Variants in RBPJ observed in about 807,000 individuals in gnomAD.
RBPJ encodes the protein recombining binding protein suppressor of hairless.
A neutral mutation model predicts 67.8 loss-of-function variants in RBPJ; 9 were observed. The observed-to-expected ratio is 0.13, with a 90% CI of 0.08 to 0.23. The LOEUF (loss-of-function observed/expected upper bound fraction) is 0.23, where lower values mean the gene tolerates loss of function less well. RBPJ is among the 10% of genes least tolerant of loss of function. The probability of loss-of-function intolerance (pLI) is 1.00; values close to 1 mark genes in which losing one functional copy is unlikely to be tolerated. For missense variants in RBPJ, 305 were observed against 595.6 expected (o/e 0.51, Z 5.08); for synonymous variants, 198 against 203.3 (o/e 0.97, Z 0.22).
At chr4:26,308,286 AAG>A (rs1200705835) in intron 1 of RBPJ, among the ~76,000 whole-genome samples, 5 of 152,216 alleles carry the variant, frequency 3.3e-5, no homozygotes, top group Non-Finnish European at 5.9e-5. Flanking sequence ...AAAAAAAAAA[AAG>A]AGTTTCTCTA....
intron 2 of RBPJ, among the ~76,000 whole-genome samples, chr4:26,404,594 A>G (rs906637025): frequency 2.0e-5 from 3 of 152,176 alleles, no homozygotes; most frequent in African/African-American, 7.2e-5. Flanking sequence ...GGGCATGACA[A>G]TCAAAATGGT....
chr4:26,244,304 C>T (rs1719803995), intron 1 of RBPJ, among the ~76,000 whole-genome samples: 1 of 145,408 alleles, frequency 6.9e-6, no homozygotes, highest in Admixed American at 6.7e-5. Context: ...CATATGTGTA[C>T]ACATATGTGT....
upstream of RBPJ, among the ~76,000 whole-genome samples, chr4:26,163,139 A>G (rs1447437058): frequency 1.5e-5 from 2 of 137,724 alleles, no homozygotes; most frequent in African/African-American, 7.2e-5. Flanking sequence ...CAGAAATAAC[A>G]TCTGAGGTCA....
intron 1 of RBPJ, among the ~76,000 whole-genome samples, chr4:26,369,278 T>A (rs1728924444): frequency 6.6e-6 from 1 of 152,236 alleles, no homozygotes; most frequent in South Asian, 2.1e-4. Context: ...ATCACTGAAC[T>A]CTTGTGAGGT....
At chr4:26,425,002 A>T (rs1301212613) in intron 7 of RBPJ, 15 of 441,352 alleles carry the variant, frequency 3.4e-5, no homozygotes, top group Middle Eastern at 5.7e-4. Context: ...TTTTGGTGGC[A>T]ATTTCCTTTT....
the RBPJ span, among the ~76,000 whole-genome samples, chr4:26,122,844 T>A: frequency 2.0e-5 from 3 of 152,062 alleles, no homozygotes; most frequent in Non-Finnish European, 1.5e-5. Context: ...CCATAAATAA[T>A]ACAAAAAGGA....
intron 1 of RBPJ, among the ~76,000 whole-genome samples, chr4:26,273,069 C>CA (rs1720966876): frequency 6.6e-6 from 1 of 152,156 alleles, no homozygotes; most frequent in Non-Finnish European, 1.5e-5. Flanking sequence ...TTTCAACCAA[C>CA]AAAATTGACT....
At chr4:26,368,711 G>A (rs902436945) in intron 1 of RBPJ, among the ~76,000 whole-genome samples, 4 of 152,146 alleles carry the variant, frequency 2.6e-5, no homozygotes, top group Admixed American at 2.6e-4. Flanking sequence ...TAGAAGTGTT[G>A]GTGGCAGCAG....
At position 26,244,349 on chromosome 4, in the gene RBPJ, GTATATA is replaced by G. The variant is rs80301363; in HGVS notation, c.-167+80739_-167+80744del. On this transcript the variant is annotated intron_variant, in intron 1 of 4. Transcript: ENST00000512351. ...TACACATATGTGTACACATATGTGTGTATATATATGTATGCACATATGTGTACACGT... is the reference window on the plus strand; with the variant it reads ...TACACATATGTGTACACATATGTGTGTATGTATGCACATATGTGTACACGT... Among the ~76,000 whole-genome samples the G allele has an allele frequency of 6.8e-3, 44 of 6,426 alleles. 1 individual carries two copies. The highest frequency in any genetic ancestry group is 8.7e-3 in the Non-Finnish European group (33 of 3,784). The allele number at this position is 6,426 out of a possible 152,430, so 4.2% of individuals were successfully genotyped here.
intron 3 of RBPJ, among the ~76,000 whole-genome samples, chr4:26,411,345 T>C (rs1348945355): frequency 6.6e-6 from 1 of 152,046 alleles, no homozygotes; most frequent in East Asian, 1.9e-4. Context: ...CCCTTTAGTT[T>C]CTTTTGCGTG....
chr4:26,427,153 G>A (rs942694319), intron 7 of RBPJ, among the ~76,000 whole-genome samples: 2 of 152,172 alleles, frequency 1.3e-5, no homozygotes, highest in Admixed American at 6.5e-5. Context: ...GGTGAGGGGT[G>A]ACTGATTTGT....
chr4:26,270,462 A>G (rs1359734781), intron 1 of RBPJ, among the ~76,000 whole-genome samples: 5 of 150,160 alleles, frequency 3.3e-5, no homozygotes, highest in South Asian at 2.1e-4. Context: ...GAAAGAAAAG[A>G]AAAGGAAAGA....
chr4:26,151,258 A>G, the RBPJ span, among the ~76,000 whole-genome samples: 2 of 152,190 alleles, frequency 1.3e-5, no homozygotes, highest in Non-Finnish European at 2.9e-5. Context: ...TTCTAGAGAA[A>G]AAAATTAGTC....
chr4:26,219,107 G>GA (rs990811065), intron 1 of RBPJ, among the ~76,000 whole-genome samples: 64 of 152,022 alleles, frequency 4.2e-4, no homozygotes, highest in African/African-American at 1.2e-3. Context: ...AAATTTAGAA[G>GA]AAAAAAAATG....
intron 3 of RBPJ, among the ~76,000 whole-genome samples, chr4:26,411,669 G>A (rs932887690): frequency 6.6e-6 from 1 of 151,550 alleles, no homozygotes; most frequent in Non-Finnish European, 1.5e-5. Flanking sequence ...ATAGAACCTT[G>A]GTCAGTGTTT....
intron 1 of RBPJ, among the ~76,000 whole-genome samples, chr4:26,324,257 C>T (rs1315520879): frequency 6.6e-6 from 1 of 152,150 alleles, no homozygotes; most frequent in Non-Finnish European, 1.5e-5. Context: ...CTTGGCAAGA[C>T]ACAGTAGCGA....
chr4:26,212,319 T>C (rs1457774195), intron 1 of RBPJ, among the ~76,000 whole-genome samples: 1 of 152,112 alleles, frequency 6.6e-6, no homozygotes, highest in African/African-American at 2.4e-5. Context: ...ATAACTTCCA[T>C]GGCTCTTGTT....
chr4:26,120,163 A>G, the RBPJ span, among the ~76,000 whole-genome samples: 1 of 152,240 alleles, frequency 6.6e-6, no homozygotes, highest in African/African-American at 2.4e-5. Flanking sequence ...AGTCAGCAGT[A>G]GTAGTAGACA....
At chr4:26,305,993 C>A (rs1425135528) in intron 1 of RBPJ, among the ~76,000 whole-genome samples, 6 of 147,820 alleles carry the variant, frequency 4.1e-5, no homozygotes, top group Non-Finnish European at 8.9e-5. Context: ...ACCATTTTAG[C>A]CAGGCTGGTC....
Sources: gnomAD v4.1 joint callset for allele counts (sites outside exome capture counted in the v4.1 genomes callset) on GRCh38, gnomAD v4.1.1 for gene constraint, MANE v1.5 for transcripts, NCBI Gene and HGNC (gene_info 2026-07-23, HGNC 2026-07-21) for gene names.